LINGO2: variants seen among roughly 807,000 people sequenced by gnomAD.
The protein encoded by LINGO2 is leucine-rich repeat and immunoglobulin-like domain-containing nogo receptor-interacting protein 2.
A neutral mutation model predicts 30.6 loss-of-function variants in LINGO2; 14 were observed. The observed-to-expected ratio is 0.46, with a 90% CI of 0.30 to 0.72. The LOEUF (loss-of-function observed/expected upper bound fraction) is 0.72, where lower values mean the gene tolerates loss of function less well. Among genes scored for constraint, LINGO2 ranks in the 30% least tolerant of loss-of-function variants. LINGO2 has a pLI of 0.07. For synonymous variants in LINGO2, 317 were observed against 288.5 expected, an observed-to-expected ratio of 1.10 and a Z score of -1.00; for missense variants, 729 against 751.7, an observed-to-expected ratio of 0.97 and a Z score of 0.35.
the LINGO2 span, among the ~76,000 whole-genome samples, chr9:29,077,970 C>T: frequency 2.0e-5 from 3 of 151,830 alleles, no homozygotes; most frequent in Admixed American, 6.6e-5. Context: ...TTCTGAATAT[C>T]CAAATGATTG....
At chr9:28,553,594 A>C (rs1161788324) in intron 1 of LINGO2, among the ~76,000 whole-genome samples, 1 of 152,140 alleles carries the variant, frequency 6.6e-6, no homozygotes, top group African/African-American at 2.4e-5. Context: ...ATCCAGGAGA[A>C]CTTCCTCAAC....
chr9:27,965,241 G>C (rs893883964), intron 5 of LINGO2, among the ~76,000 whole-genome samples: 1 of 151,838 alleles, frequency 6.6e-6, no homozygotes, highest in Non-Finnish European at 1.5e-5. Context: ...AAGGGAACAA[G>C]TATTTCTATC....
At chr9:28,875,776 T>A in the LINGO2 span, among the ~76,000 whole-genome samples, 1 of 152,178 alleles carries the variant, frequency 6.6e-6, no homozygotes, top group Non-Finnish European at 1.5e-5. Flanking sequence ...AAAGGTGCTA[T>A]TGACTTTACT....
the LINGO2 span, among the ~76,000 whole-genome samples, chr9:28,738,204 C>T: frequency 4.6e-5 from 7 of 151,996 alleles, no homozygotes; most frequent in Non-Finnish European, 1.0e-4. Flanking sequence ...CTCCAGTCAC[C>T]AAGTTATTTC....
At chr9:28,605,428 G>T (rs376043614) in intron 1 of LINGO2, among the ~76,000 whole-genome samples, 93 of 151,820 alleles carry the variant, frequency 6.1e-4, no homozygotes, top group Middle Eastern at 3.4e-3. Flanking sequence ...TTAATTCCCT[G>T]CTTAGTTTGT....
chr9:28,417,222 C>A (rs553689820), intron 2 of LINGO2, among the ~76,000 whole-genome samples: 1 of 152,106 alleles, frequency 6.6e-6, no homozygotes, highest in Non-Finnish European at 1.5e-5. Context: ...ATGAAATGGG[C>A]AGGGAGGAGA....
chr9:28,560,442 C>T (rs1822986123), intron 1 of LINGO2, among the ~76,000 whole-genome samples: 1 of 152,010 alleles, frequency 6.6e-6, no homozygotes, highest in Non-Finnish European at 1.5e-5. Flanking sequence ...CTTGGGTCTC[C>T]AGCCTGCCAA....
chr9:28,157,264 G>A (rs1289587105), intron 4 of LINGO2, among the ~76,000 whole-genome samples: 5 of 152,154 alleles, frequency 3.3e-5, no homozygotes, highest in African/African-American at 9.7e-5. Flanking sequence ...GCACCCACAC[G>A]CTCAACACCA....
At chr9:28,981,159 A>G in the LINGO2 span, among the ~76,000 whole-genome samples, 23 of 152,200 alleles carry the variant, frequency 1.5e-4, 1 homozygote, top group South Asian at 4.6e-3. Flanking sequence ...ACACAAGTGC[A>G]TAGTGCTTTC....
the LINGO2 span, among the ~76,000 whole-genome samples, chr9:28,874,877 C>A: frequency 6.6e-6 from 1 of 152,090 alleles, no homozygotes; most frequent in South Asian, 2.1e-4. Flanking sequence ...AACGATGTGA[C>A]AAATATCCAT....
At chr9:28,730,375 CAA>C in the LINGO2 span, among the ~76,000 whole-genome samples, 1 of 152,062 alleles carries the variant, frequency 6.6e-6, no homozygotes, top group Non-Finnish European at 1.5e-5. Context: ...GAGAGTTGGG[CAA>C]AGAGTTAGGC....
chr9:28,487,430 A>C (rs1476192963), intron 1 of LINGO2, among the ~76,000 whole-genome samples: 1 of 152,154 alleles, frequency 6.6e-6, no homozygotes, highest in Non-Finnish European at 1.5e-5. Flanking sequence ...AACTAAATAG[A>C]GTTTGGGTCA....
chr9:28,106,355 G>T (rs1826592329), intron 4 of LINGO2, among the ~76,000 whole-genome samples: 1 of 151,894 alleles, frequency 6.6e-6, no homozygotes. Flanking sequence ...CTTCCATGTT[G>T]GACACAGAGA....
At chr9:28,943,468 A>G in the LINGO2 span, among the ~76,000 whole-genome samples, 1 of 152,212 alleles carries the variant, frequency 6.6e-6, no homozygotes, top group Non-Finnish European at 1.5e-5. Flanking sequence ...TAGATTATAC[A>G]GGTTTGGATG....
intron 4 of LINGO2, among the ~76,000 whole-genome samples, chr9:28,236,626 G>C (rs1488852796): frequency 6.6e-6 from 1 of 152,066 alleles, no homozygotes; most frequent in Admixed American, 6.6e-5. Context: ...AAATAAGCTA[G>C]GCACAGAAAA....
intron 4 of LINGO2, among the ~76,000 whole-genome samples, chr9:28,247,843 A>G (rs4615678): frequency 1.3e-5 from 2 of 152,180 alleles, no homozygotes; most frequent in Non-Finnish European, 2.9e-5. Flanking sequence ...AATGGCAAAC[A>G]TGCATTTGAA....
the LINGO2 span, among the ~76,000 whole-genome samples, chr9:28,777,856 T>G: frequency 6.6e-6 from 1 of 152,192 alleles, no homozygotes; most frequent in Non-Finnish European, 1.5e-5. Flanking sequence ...GTGTATAAAT[T>G]TAAGGTATTA....
the LINGO2 span, among the ~76,000 whole-genome samples, chr9:28,804,497 A>C: frequency 6.6e-6 from 1 of 152,052 alleles, no homozygotes; most frequent in Non-Finnish European, 1.5e-5. Context: ...TTGATTTCCA[A>C]ATTCTCAGTC....
chr9:28,458,716 T>C (rs1433959083), intron 2 of LINGO2, among the ~76,000 whole-genome samples: 1 of 152,082 alleles, frequency 6.6e-6, no homozygotes, highest in Non-Finnish European at 1.5e-5. Flanking sequence ...CACCTAACTT[T>C]TGACAGACAA....
Sources: allele counts gnomAD v4.1 joint callset (sites outside exome capture counted in the v4.1 genomes callset), GRCh38; gene constraint gnomAD v4.1.1; transcripts MANE v1.5; gene names NCBI Gene and HGNC (gene_info 2026-07-23, HGNC 2026-07-21).